The following SUCLG2 variants were observed in gnomAD, a reference collection of about 807,000 sequenced individuals.
SUCLG2 encodes the protein succinate--CoA ligase [GDP-forming] subunit beta, mitochondrial.
SUCLG2 carries 42 observed loss-of-function variants against 47.9 expected under a neutral mutation model. The observed-to-expected ratio is 0.88, with a 90% CI of 0.69 to 1.14. The LOEUF is 1.14. Ranked by LOEUF, SUCLG2 falls within the 50% of genes most tolerant of loss-of-function variation. The probability of loss-of-function intolerance (pLI) is 0.00; values close to 1 mark genes in which losing one functional copy is unlikely to be tolerated. For synonymous variants in SUCLG2, 195 were observed against 197.3 expected, an observed-to-expected ratio of 0.99 and a Z score of 0.10; for missense variants, 571 against 525.9, an observed-to-expected ratio of 1.09 and a Z score of -0.84.
chr3:67,645,558 C>T (rs1008409011), intron 1 of SUCLG2, among the ~76,000 whole-genome samples: 2 of 151,926 alleles, frequency 1.3e-5, no homozygotes, highest in Non-Finnish European at 2.9e-5. Context: ...ATATTTTTTT[C>T]CATGGTAATT....
chr3:67,418,839 G>A (rs897041571), intron 9 of SUCLG2, among the ~76,000 whole-genome samples: 1 of 152,074 alleles, frequency 6.6e-6, no homozygotes, highest in African/African-American at 2.4e-5. Context: ...AAACGGCCTG[G>A]ACCTCTCCTG....
At chr3:67,559,807 T>A (rs1417371700) in intron 2 of SUCLG2, among the ~76,000 whole-genome samples, 1 of 152,126 alleles carries the variant, frequency 6.6e-6, no homozygotes, top group Non-Finnish European at 1.5e-5. Context: ...CAAATATATA[T>A]AATTAGACAT....
At chr3:67,566,291 T>C (rs957392487) in intron 2 of SUCLG2, among the ~76,000 whole-genome samples, 2 of 152,202 alleles carry the variant, frequency 1.3e-5, no homozygotes, top group African/African-American at 4.8e-5. Context: ...AAGAAAATGG[T>C]TAAGTACGTT....
chr3:67,556,208 G>C, intron 2 of SUCLG2, among the ~76,000 whole-genome samples: 1 of 152,136 alleles, frequency 6.6e-6, no homozygotes, highest in East Asian at 1.9e-4. Flanking sequence ...TGAAATCCTG[G>C]GTCAGAAAAG....
chr3:67,627,486 C>T (rs1700853670), intron 1 of SUCLG2, among the ~76,000 whole-genome samples: 1 of 152,202 alleles, frequency 6.6e-6, no homozygotes, highest in Non-Finnish European at 1.5e-5. Context: ...AGGACCTAGA[C>T]TTGGGCCATT....
intron 9 of SUCLG2, among the ~76,000 whole-genome samples, chr3:67,411,804 T>C (rs1702938409): frequency 6.6e-6 from 1 of 152,170 alleles, no homozygotes; most frequent in African/African-American, 2.4e-5. Context: ...TTTCAGTCAC[T>C]GCTGAAAAAA....
intron 9 of SUCLG2, among the ~76,000 whole-genome samples, chr3:67,403,971 C>T (rs3923255): frequency 0.097 from 14,830 of 152,174 alleles, 783 homozygotes; most frequent in Admixed American, 0.14. Flanking sequence ...CTGCAACCTC[C>T]GCCTCCTGGG....
intron 1 of SUCLG2, among the ~76,000 whole-genome samples, chr3:67,630,801 C>T (rs1199396706): frequency 6.6e-6 from 1 of 152,236 alleles, no homozygotes; most frequent in Non-Finnish European, 1.5e-5. Context: ...GGTGAACCTA[C>T]TTGCCTAGAA....
chr3:67,517,226 T>A (rs1705967882), intron 6 of SUCLG2, among the ~76,000 whole-genome samples: 1 of 152,226 alleles, frequency 6.6e-6, no homozygotes, highest in Admixed American at 6.5e-5. Context: ...ATATATTTTT[T>A]AAAACCTTAT....
intron 1 of SUCLG2, among the ~76,000 whole-genome samples, chr3:67,610,195 A>G (rs1395850071): frequency 6.6e-6 from 1 of 152,202 alleles, no homozygotes; most frequent in African/African-American, 2.4e-5. Flanking sequence ...TCTTTACCAC[A>G]GTTTTTAACA....
At chr3:67,400,673 C>T in intron 10 of SUCLG2, 58 bp downstream of exon 10, 2 of 1,593,060 alleles carry the variant, frequency 1.3e-6, no homozygotes, top group South Asian at 1.1e-5. Flanking sequence ...CCAGAACATG[C>T]TGGTCACCTG....
At chr3:67,546,903 A>G (rs532827117) in intron 2 of SUCLG2, among the ~76,000 whole-genome samples, 80 of 152,346 alleles carry the variant, frequency 5.3e-4, no homozygotes, top group Middle Eastern at 3.4e-3. Flanking sequence ...TCCATCCCAA[A>G]AAATAAACAA....
At chr3:67,654,374 C>T (rs1168033130) in intron 1 of SUCLG2, 129 bp downstream of exon 1, 16 of 699,848 alleles carry the variant, frequency 2.3e-5, no homozygotes, top group Non-Finnish European at 3.2e-5. Flanking sequence ...CGCCGCGTCA[C>T]CTCCCGAAGT....
At chr3:67,556,010 G>C (rs747572204) in intron 2 of SUCLG2, among the ~76,000 whole-genome samples, 9 of 152,210 alleles carry the variant, frequency 5.9e-5, no homozygotes, top group Middle Eastern at 3.2e-3. Context: ...TTCCCCGAGT[G>C]GGGGACCTGA....
At chr3:67,521,254 C>T (rs966899176) in intron 4 of SUCLG2, among the ~76,000 whole-genome samples, 3 of 152,172 alleles carry the variant, frequency 2.0e-5, no homozygotes, top group Non-Finnish European at 2.9e-5. Flanking sequence ...AATAAACCCT[C>T]GGGCCCCAGG....
intron 1 of SUCLG2, 107 bp downstream of exon 1, chr3:67,654,396 G>A (rs1159180228): frequency 2.1e-6 from 2 of 949,624 alleles, no homozygotes; most frequent in Admixed American, 8.6e-5. Flanking sequence ...GGGCGCCCGA[G>A]GGGCCGCGCA....
chr3:67,393,712 C>T (rs1702450576), intron 10 of SUCLG2, among the ~76,000 whole-genome samples: 1 of 152,254 alleles, frequency 6.6e-6, no homozygotes, highest in Admixed American at 6.5e-5. Context: ...AACGGGCAGA[C>T]TGCCTCCTCA....
intron 6 of SUCLG2, among the ~76,000 whole-genome samples, chr3:67,517,542 A>C (rs1024808270): frequency 6.6e-6 from 1 of 152,178 alleles, no homozygotes; most frequent in African/African-American, 2.4e-5. Flanking sequence ...GCCCCACTAG[A>C]CACATAATCA....
intron 2 of SUCLG2, among the ~76,000 whole-genome samples, chr3:67,575,905 G>T (rs1707729686): frequency 6.6e-6 from 1 of 152,098 alleles, no homozygotes; most frequent in Non-Finnish European, 1.5e-5. Context: ...GGATTCTAGG[G>T]GCAGCTGTTC....
Sources: allele counts gnomAD v4.1 joint callset (sites outside exome capture counted in the v4.1 genomes callset), GRCh38; gene constraint gnomAD v4.1.1; transcripts MANE v1.5; gene names NCBI Gene and HGNC (gene_info 2026-07-23, HGNC 2026-07-21).